Variants in DPH6 observed in about 807,000 individuals in gnomAD.
DPH6 encodes diphthamine biosynthesis 6.
In DPH6, 33 loss-of-function variants were observed where a neutral mutation model predicts 38.2. That is an observed-to-expected ratio of 0.86 (90% CI 0.65 to 1.15). DPH6 has a LOEUF of 1.15. DPH6 is among the 50% of genes most tolerant of loss of function. The pLI, the probability that DPH6 is intolerant of heterozygous loss-of-function variation, is 0.00. For missense variants in DPH6, 325 were observed against 320.0 expected (o/e 1.02, Z -0.12); for synonymous variants, 108 against 103.0 (o/e 1.05, Z -0.30).
the DPH6 span, among the ~76,000 whole-genome samples, chr15:35,191,405 A>C: frequency 6.6e-6 from 1 of 152,134 alleles, no homozygotes; most frequent in Non-Finnish European, 1.5e-5. Flanking sequence ...ATTTTTGGAG[A>C]CCTTCTCTGT....
At chr15:35,382,155 G>C (rs1482674689) in intron 6 of DPH6, among the ~76,000 whole-genome samples, 1 of 152,272 alleles carries the variant, frequency 6.6e-6, no homozygotes, top group East Asian at 1.9e-4. Context: ...ACATTAAGAG[G>C]CCAGGCGCGT....
the DPH6 span, among the ~76,000 whole-genome samples, chr15:35,198,692 T>A: frequency 1.3e-5 from 2 of 152,234 alleles, no homozygotes; most frequent in African/African-American, 4.8e-5. Flanking sequence ...TATCTTCATA[T>A]GTTTTGAAAG....
chr15:35,291,613 G>C (rs147304830), intron 3 of DPH6, among the ~76,000 whole-genome samples: 1 of 152,126 alleles, frequency 6.6e-6, no homozygotes, highest in Non-Finnish European at 1.5e-5. Flanking sequence ...AAGAAAAATG[G>C]CTTAAATTTT....
At chr15:35,214,249 T>TA (rs2051401846), downstream of DPH6, among the ~76,000 whole-genome samples, 1 of 152,194 alleles carries the variant, frequency 6.6e-6, no homozygotes, top group African/African-American at 2.4e-5. Flanking sequence ...TGACAGCTAG[T>TA]AAAGTGATTT....
intron 3 of DPH6, among the ~76,000 whole-genome samples, chr15:35,271,152 G>A (rs1358823325): frequency 6.6e-6 from 1 of 152,194 alleles, no homozygotes; most frequent in Non-Finnish European, 1.5e-5. Flanking sequence ...TTCACAGTGT[G>A]TAACTAACAC....
At chr15:35,199,974 G>A in the DPH6 span, among the ~76,000 whole-genome samples, 15 of 152,136 alleles carry the variant, frequency 9.9e-5, no homozygotes, top group South Asian at 2.1e-3. Context: ...TAAAAGTTGA[G>A]CTCTCCAAGG....
At chr15:35,158,394 G>A in the DPH6 span, among the ~76,000 whole-genome samples, 2 of 151,980 alleles carry the variant, frequency 1.3e-5, no homozygotes, top group Non-Finnish European at 2.9e-5. Flanking sequence ...GGAATTATAT[G>A]CACTCACCAA....
intron 3 of DPH6, among the ~76,000 whole-genome samples, chr15:35,236,585 G>A (rs2051553229): frequency 6.6e-6 from 1 of 151,284 alleles, no homozygotes; most frequent in South Asian, 2.1e-4. Flanking sequence ...CTTGCAGTGA[G>A]CCCAGATCGC....
chr15:35,369,792 A>G (rs1388210734), downstream of DPH6, among the ~76,000 whole-genome samples: 1 of 151,838 alleles, frequency 6.6e-6, no homozygotes. Context: ...CAATATCGTC[A>G]TGATGTCAAT....
intron 3 of DPH6, among the ~76,000 whole-genome samples, chr15:35,525,193 A>C (rs917715033): frequency 6.6e-6 from 1 of 152,214 alleles, no homozygotes; most frequent in Non-Finnish European, 1.5e-5. Flanking sequence ...AATTTTTAAA[A>C]ACAAAAGCTA....
chr15:35,322,431 T>C (rs2052248749), intron 3 of DPH6, among the ~76,000 whole-genome samples: 1 of 152,224 alleles, frequency 6.6e-6, no homozygotes. Flanking sequence ...AAGGATGGCT[T>C]GGAGGTTAGA....
intron 7 of DPH6, among the ~76,000 whole-genome samples, chr15:35,374,227 A>G (rs2052750997): frequency 6.6e-6 from 1 of 152,088 alleles, no homozygotes; most frequent in Non-Finnish European, 1.5e-5. Context: ...GCACATTTGA[A>G]TAACTAAGAT....
chr15:35,196,256 T>C, the DPH6 span, among the ~76,000 whole-genome samples: 4 of 152,232 alleles, frequency 2.6e-5, no homozygotes, highest in Non-Finnish European at 5.9e-5. Flanking sequence ...AAATAGGTTG[T>C]GGCAGAAAAT....
At chr15:35,538,549 T>A in intron 2 of DPH6, 82 bp from the exon 3 acceptor site, 1 of 1,238,622 alleles carries the variant, frequency 8.1e-7, no homozygotes. Flanking sequence ...GTTTTACTGC[T>A]TGAATAGTCG....
At chr15:35,401,861 G>A in intron 6 of DPH6, 2 of 500,742 alleles carry the variant, frequency 4.0e-6, no homozygotes, top group Non-Finnish European at 7.6e-6. Context: ...ACTCAGTCAA[G>A]CACAGTGGTG....
intron 6 of DPH6, among the ~76,000 whole-genome samples, chr15:35,394,523 CAACTT>C (rs2053102080): frequency 6.6e-6 from 1 of 152,230 alleles, no homozygotes; most frequent in Non-Finnish European, 1.5e-5. Flanking sequence ...AATAAAAACA[CAACTT>C]AATTCTAAGA....
rs372291435 is a variant in DPH6 at position 35,392,862 on chromosome 15, C to T, written c.568-10946G>A. Among the ~76,000 whole-genome samples the T allele has an allele frequency of 2.6e-4, 40 of 152,188 alleles. 1 individual carries two copies. The highest frequency in any genetic ancestry group is 2.3e-3 in the South Asian group (11 of 4,818). On this transcript the variant is annotated intron_variant, in intron 6 of 8. Coordinates refer to ENST00000256538, the MANE Select transcript of DPH6 (RefSeq NM_080650.4). ...AAGAGAGAAGGTAAGAGAGAAGGAA[C>T]GAGTATTCTAGAAGAAACTGCATGT...
chr15:35,342,344 G>A (rs933404783), intron 3 of DPH6, among the ~76,000 whole-genome samples: 2 of 152,216 alleles, frequency 1.3e-5, no homozygotes, highest in African/African-American at 4.8e-5. Flanking sequence ...GGGTTGCAAA[G>A]ATCCATGAGA....
At chr15:35,488,602 A>C (rs1595409475) in intron 3 of DPH6, among the ~76,000 whole-genome samples, 1 of 147,928 alleles carries the variant, frequency 6.8e-6, no homozygotes, top group Non-Finnish European at 1.5e-5. Context: ...TGATCCAAAC[A>C]CCTCCCACCA....
Sources: allele counts gnomAD v4.1 joint callset (sites outside exome capture counted in the v4.1 genomes callset), GRCh38; gene constraint gnomAD v4.1.1; transcripts MANE v1.5; gene names NCBI Gene and HGNC (gene_info 2026-07-23, HGNC 2026-07-21).